The following TEAD1 variants were observed in gnomAD, a reference collection of about 807,000 sequenced individuals.
The protein encoded by TEAD1 is transcriptional enhancer factor TEF-1.
A neutral mutation model predicts 54.9 loss-of-function variants in TEAD1; 9 were observed. The ratio of observed to expected loss-of-function variants is 0.16; its 90% CI spans 0.10 to 0.29. The LOEUF is 0.29. Ranked by LOEUF, TEAD1 falls within the 10% of genes least tolerant of loss-of-function variation. TEAD1 has a pLI of 1.00. For synonymous variants in TEAD1, 200 were observed against 187.8 expected (o/e 1.07, Z -0.53); for missense variants, 387 against 535.9 (o/e 0.72, Z 2.74).
intron 3 of TEAD1, among the ~76,000 whole-genome samples, chr11:12,769,641 G>A (rs1342894752): frequency 6.6e-6 from 1 of 152,122 alleles, no homozygotes; most frequent in African/African-American, 2.4e-5. Flanking sequence ...CAGCCCTGGA[G>A]GGTCTCCAGG....
intron 9 of TEAD1, among the ~76,000 whole-genome samples, chr11:12,891,326 A>G (rs993410224): frequency 6.6e-6 from 1 of 152,256 alleles, no homozygotes; most frequent in African/African-American, 2.4e-5. Flanking sequence ...GTGCTTCAGG[A>G]ACACGATGGC....
intron 3 of TEAD1, among the ~76,000 whole-genome samples, chr11:12,787,174 G>T (rs980243687): frequency 2.0e-5 from 3 of 152,142 alleles, no homozygotes; most frequent in African/African-American, 7.2e-5. Context: ...GTCTCTCACC[G>T]TATCCTCAGG....
intron 2 of TEAD1, among the ~76,000 whole-genome samples, chr11:12,703,490 G>T (rs145471869): frequency 7.2e-4 from 109 of 152,290 alleles, no homozygotes; most frequent in African/African-American, 2.5e-3. Context: ...TTTTCTTAAA[G>T]CACCTCCTTT....
At position 12,943,629 on chromosome 11, in the gene TEAD1, G is replaced by A. The variant is rs144419835; in HGVS notation, c.*6407G>A. The stretch of plus-strand genomic sequence containing the variant: ...CATGAAATGGGGTCAGATTCCATCA[G>A]ATTCCACCTCTGTCAGGTGGACTCT... On this transcript the variant is annotated 3_prime_UTR_variant, in exon 13 of 13. Coordinates refer to ENST00000527636, the MANE Select transcript of TEAD1 (RefSeq NM_021961.6). 1 of 152,132 alleles carries A rather than the reference G, an allele frequency of 6.6e-6. No individual in the cohort carries two copies. Among genetic ancestry groups the A allele is most frequent in the Non-Finnish European group, 1.5e-5 (1 of 68,016 alleles). 9.4% of individuals were successfully genotyped at this position (152,132 alleles called of 1,614,324 possible). A position where few individuals can be genotyped will look rare whatever the true frequency, so the allele number is the denominator to read the frequency against.
At chr11:12,878,929 T>C in intron 5 of TEAD1, 2 of 1,285,164 alleles carry the variant, frequency 1.6e-6, no homozygotes, top group Non-Finnish European at 2.0e-6. Context: ...CTGAGTATTC[T>C]GTATTTTAGC....
At chr11:12,680,845 G>T (rs1163978197) in intron 2 of TEAD1, among the ~76,000 whole-genome samples, 1 of 152,336 alleles carries the variant, frequency 6.6e-6, no homozygotes, top group South Asian at 2.1e-4. Context: ...CTATTGTTAT[G>T]GCAGCAACAG....
intron 2 of TEAD1, among the ~76,000 whole-genome samples, chr11:12,683,930 C>A (rs908103893): frequency 6.6e-6 from 1 of 152,212 alleles, no homozygotes; most frequent in African/African-American, 2.4e-5. Context: ...CTGCAAGCCT[C>A]GGTGTCCCCA....
intron 2 of TEAD1, among the ~76,000 whole-genome samples, chr11:12,707,511 T>C (rs900968285): frequency 1.3e-5 from 2 of 152,234 alleles, no homozygotes; most frequent in African/African-American, 4.8e-5. Flanking sequence ...TCCTAGGTGA[T>C]TCTCTCAAGG....
At chr11:12,781,177 A>G (rs1192342354) in intron 3 of TEAD1, among the ~76,000 whole-genome samples, 1 of 152,244 alleles carries the variant, frequency 6.6e-6, no homozygotes, top group South Asian at 2.1e-4. Context: ...ATCATATATC[A>G]TAATTAACTA....
chr11:12,899,967 T>C (rs1948393774), intron 9 of TEAD1, among the ~76,000 whole-genome samples: 1 of 152,246 alleles, frequency 6.6e-6, no homozygotes, highest in Non-Finnish European at 1.5e-5. Flanking sequence ...AGGTTATAGA[T>C]TTAAACCAGT....
intron 2 of TEAD1, among the ~76,000 whole-genome samples, chr11:12,693,438 A>G (rs1315345638): frequency 1.3e-5 from 2 of 152,246 alleles, no homozygotes; most frequent in East Asian, 3.9e-4. Context: ...TACATCCTGG[A>G]TATTTAGAGT....
chr11:12,927,373 C>T (rs982718961), intron 11 of TEAD1, among the ~76,000 whole-genome samples: 2 of 152,164 alleles, frequency 1.3e-5, no homozygotes, highest in African/African-American at 4.8e-5. Flanking sequence ...AGAGCTGTTC[C>T]TGGAGTCCCA....
At chr11:12,810,349 G>A (rs898145036) in intron 3 of TEAD1, among the ~76,000 whole-genome samples, 2 of 152,144 alleles carry the variant, frequency 1.3e-5, no homozygotes, top group African/African-American at 4.8e-5. Flanking sequence ...TTGCGAAGTT[G>A]GGAAGTGTCC....
chr11:12,784,980 G>A (rs1217994723), intron 3 of TEAD1, among the ~76,000 whole-genome samples: 1 of 152,232 alleles, frequency 6.6e-6, no homozygotes, highest in Non-Finnish European at 1.5e-5. Context: ...GTCAGCATGA[G>A]TGTGGAGAAG....
At chr11:12,921,564 C>T (rs1465612071) in intron 10 of TEAD1, among the ~76,000 whole-genome samples, 2 of 147,498 alleles carry the variant, frequency 1.4e-5, no homozygotes, top group Admixed American at 6.8e-5. Flanking sequence ...AAATCTGGAA[C>T]GTTTTGGCAC....
chr11:12,802,785 G>C (rs779351591), intron 3 of TEAD1, among the ~76,000 whole-genome samples: 35 of 152,200 alleles, frequency 2.3e-4, no homozygotes, highest in Middle Eastern at 3.2e-3. Context: ...CGGAGATACC[G>C]AGGCCTGCTT....
chr11:12,857,783 G>A (rs1413502870), intron 3 of TEAD1, among the ~76,000 whole-genome samples: 1 of 152,048 alleles, frequency 6.6e-6, no homozygotes, highest in Non-Finnish European at 1.5e-5. Flanking sequence ...TGGAGGGCAG[G>A]GCTGTAGAAA....
At chr11:12,713,989 C>T (rs1944000051) in intron 2 of TEAD1, among the ~76,000 whole-genome samples, 1 of 152,164 alleles carries the variant, frequency 6.6e-6, no homozygotes, top group Admixed American at 6.5e-5. Context: ...TTGCACATTC[C>T]TAGATGAAAT....
chr11:12,866,278 A>T (rs1177790705), intron 5 of TEAD1, among the ~76,000 whole-genome samples: 2 of 152,220 alleles, frequency 1.3e-5, no homozygotes, highest in Non-Finnish European at 2.9e-5. Flanking sequence ...TTAATGATGT[A>T]CAAAGAAGTT....
Sources: gnomAD v4.1 joint callset for allele counts (sites outside exome capture counted in the v4.1 genomes callset) on GRCh38, gnomAD v4.1.1 for gene constraint, MANE v1.5 for transcripts, NCBI Gene and HGNC (gene_info 2026-07-23, HGNC 2026-07-21) for gene names.